MAP3K4: variants seen among roughly 807,000 people sequenced by gnomAD.
MAP3K4 encodes MAP three kinase 1.
A neutral mutation model predicts 185.6 loss-of-function variants in MAP3K4; 67 were observed. The observed-to-expected ratio is 0.36, with a 90% CI of 0.30 to 0.44. MAP3K4 has a LOEUF of 0.44. MAP3K4 is among the 20% of genes least tolerant of loss of function. MAP3K4 has a pLI of 1.00. For missense variants in MAP3K4, 1,551 were observed against 1,995.1 expected (o/e 0.78, Z 4.24); for synonymous variants, 702 against 710.4 (o/e 0.99, Z 0.19).
chr6:161,042,881 A>G (rs150077693), intron 2 of MAP3K4, among the ~76,000 whole-genome samples: 120 of 149,186 alleles, frequency 8.0e-4, no homozygotes, highest in African/African-American at 2.7e-3. Context: ...AAGTAGAGCA[A>G]ATATTTTGCA....
At chr6:161,104,162 C>T (rs1379863318) in intron 19 of MAP3K4, among the ~76,000 whole-genome samples, 1 of 152,146 alleles carries the variant, frequency 6.6e-6, no homozygotes, top group Non-Finnish European at 1.5e-5. Context: ...CGCCTGTAAT[C>T]CCAGCACTTT....
At chr6:161,041,376 C>T (rs997460311) in intron 2 of MAP3K4, among the ~76,000 whole-genome samples, 2 of 152,222 alleles carry the variant, frequency 1.3e-5, no homozygotes, top group African/African-American at 4.8e-5. Context: ...CCAGTCATCC[C>T]TGGTCCTTCC....
Position 161,107,030 on chromosome 6 carries a change from C to T in MAP3K4, c.4048+325C>T, listed in dbSNP as rs1583243207. On this transcript the variant is annotated intron_variant, in intron 20 of 26. Transcript: ENST00000392142. This position sits in a 1 kb window ranked among gnomAD's most constrained non-coding sequence, Gnocchi z 6.2. ...GACCCATTTGTTCTAGTTTCTCTCT[C>T]TCTCTCTACACACGCGCGCGCACAC... 7.5e-6 allele frequency among the ~76,000 whole-genome samples: 1 copy of T among 133,434 alleles called. No individual in the cohort carries two copies. Among genetic ancestry groups the T allele is most frequent in the South Asian group, 2.6e-4 (1 of 3,830 alleles). 87.5% of individuals were successfully genotyped at this position (133,434 alleles called of 152,430 possible).
At chr6:161,111,358 T>G (rs1778341353) in intron 23 of MAP3K4, among the ~76,000 whole-genome samples, 1 of 152,242 alleles carries the variant, frequency 6.6e-6, no homozygotes, top group Non-Finnish European at 1.5e-5. Context: ...GTAGGAATAT[T>G]TGAAAATTGC....
Position 161,041,912 on chromosome 6 carries a change from C to CTTTTTT in MAP3K4, c.344-6696_344-6691dup, listed in dbSNP as rs1184107037. On this transcript the variant is annotated intron_variant, in intron 2 of 26. Transcript: ENST00000392142. ...GGGTAAAGGCCTTGAGTTATTGTTT[C>CTTTTTT]TTTTTTTTTTTTTCTTTTTTTTTTT... Among the ~76,000 whole-genome samples, 126 of 64,040 alleles carry CTTTTTT rather than the reference C, an allele frequency of 2.0e-3. 20 individuals carry two copies. The highest frequency in any genetic ancestry group is 9.9e-3 in the East Asian group (17 of 1,724). The allele number at this position is 64,040 out of a possible 152,430, so 42.0% of individuals were successfully genotyped here.
rs1189455962 is a variant in MAP3K4, at chr6:161,059,657, CTG to C, written c.1707+9680_1707+9681del. Among the ~76,000 whole-genome samples the C allele has an allele frequency of 3.2e-4, 49 of 152,252 alleles. 1 individual carries two copies. Among genetic ancestry groups the C allele is most frequent in the African/African-American group, 1.2e-3 (48 of 41,548 alleles). On this transcript the variant is annotated intron_variant, in intron 3 of 26. Coordinates refer to ENST00000392142, the MANE Select transcript of MAP3K4 (RefSeq NM_005922.4). ...TTTAACTTGTTTAGGATACTTAACACTGTATAGAAATTTCACATTTTTATATA... is the reference window on the plus strand; with the variant it reads ...TTTAACTTGTTTAGGATACTTAACACTATAGAAATTTCACATTTTTATATA...
At chr6:161,069,883 G>A (rs1000016481) in intron 3 of MAP3K4, among the ~76,000 whole-genome samples, 3 of 152,076 alleles carry the variant, frequency 2.0e-5, no homozygotes, top group Admixed American at 6.5e-5. Flanking sequence ...GAGCCAGGGA[G>A]GAGTGACCAG....
At chr6:161,014,715 T>G (rs1477424357) in intron 1 of MAP3K4, among the ~76,000 whole-genome samples, 1 of 152,180 alleles carries the variant, frequency 6.6e-6, no homozygotes, top group East Asian at 1.9e-4. Context: ...ACTATAACAG[T>G]AGGGCTCTTG....
Position 161,086,448 on chromosome 6 carries a change from A to G in MAP3K4, c.2442A>G (p.Lys814=), listed in dbSNP as rs758383770. 11 of 1,613,986 alleles carry G rather than the reference A, an allele frequency of 6.8e-6. No individual in the cohort carries two copies. In the East Asian group the frequency reaches 2.5e-4, roughly 36 times the overall value. Residue 814 remains lysine, a synonymous_variant, in exon 8 of 27, where the codon AAA becomes AAG. Transcript: ENST00000392142. The surrounding 1 kb of genome is among the most constrained non-coding windows in gnomAD (Gnocchi z 4.8). Reference sequence around the variant, plus strand: ...ATGAAGCCAGAGAAAGGGCTTCCAAAGCACTTGGATTTGCTAAAATGTTGA... The same window carrying G: ...ATGAAGCCAGAGAAAGGGCTTCCAAGGCACTTGGATTTGCTAAAATGTTGA... ...LFHEARERAS[K]ALGFAKMLRK... is the part of the protein sequence containing the mutation.
In MAP3K4 at chr6:161,049,763, C is replaced by G. The variant is rs753638997; in HGVS notation, c.1491C>G (p.Leu497=). ...GCATATCCAAGAAGCTTGAGAGGCTCGAATCTGAGGATGATTCTCTTGGCT... is the reference window on the plus strand; with the variant it reads ...GCATATCCAAGAAGCTTGAGAGGCTGGAATCTGAGGATGATTCTCTTGGCT... The part of the protein sequence containing the change: ...RDCISKKLER[L]ESEDDSLGWG... Residue 497 remains leucine (L), a synonymous_variant, in exon 3 of 27, where the codon CTC becomes CTG. Coordinates refer to ENST00000392142, the MANE Select transcript of MAP3K4 (RefSeq NM_005922.4). The surrounding 1 kb of genome is among the most constrained non-coding windows in gnomAD (Gnocchi z 8.4). The G allele has an allele frequency of 4.3e-6, 7 of 1,614,106 alleles. No homozygotes were observed. The highest frequency in any genetic ancestry group is 3.3e-5 in the Admixed American group (2 of 60,004).
At position 161,082,059 on chromosome 6, in the gene MAP3K4, C is replaced by T. The variant is rs148732047; in HGVS notation, c.2255+1021C>T. 6.6e-4 allele frequency among the ~76,000 whole-genome samples: 101 copies of T among 152,090 alleles called. No homozygotes were observed. The highest frequency in any genetic ancestry group is 1.8e-3 in the African/African-American group (76 of 41,482). ...TCTCCTATGTTCAGTCTCGGAATCTCGTATCCACTTCTCTGTTCTAATGGC... is the reference window on the plus strand; with the variant it reads ...TCTCCTATGTTCAGTCTCGGAATCTTGTATCCACTTCTCTGTTCTAATGGC... On this transcript the variant is annotated intron_variant, in intron 6 of 26. Transcript: ENST00000392142. The surrounding 1 kb of genome is among the most constrained non-coding windows in gnomAD (Gnocchi z 4.2).
At chr6:161,003,504 T>G (rs967719966) in intron 1 of MAP3K4, among the ~76,000 whole-genome samples, 11 of 152,142 alleles carry the variant, frequency 7.2e-5, no homozygotes, top group Non-Finnish European at 1.3e-4. Flanking sequence ...AGTCCACTGG[T>G]ATCTTCTCAA....
intron 6 of MAP3K4, among the ~76,000 whole-genome samples, chr6:161,081,787 T>C (rs1054636386): frequency 2.0e-5 from 3 of 152,212 alleles, no homozygotes; most frequent in African/African-American, 7.2e-5. Context: ...TGTCCTTCTG[T>C]GCTTTAGATT....
In MAP3K4 at chr6:161,070,476, T is replaced by A. The variant is rs1445016164; in HGVS notation, c.1708-132T>A. 7 of 620,398 alleles carry A rather than the reference T, an allele frequency of 1.1e-5. No individual in the cohort carries two copies. In the Admixed American group the frequency reaches 2.4e-4, roughly 21 times the overall value. 38.4% of individuals were successfully genotyped at this position (620,398 alleles called of 1,614,324 possible). A position where few individuals can be genotyped will look rare whatever the true frequency, so the allele number is the denominator to read the frequency against. ...ATTAAATTCATTAAATTATTAAATA[T>A]TCTTTTCCCTGTAAAATTAGAATTT... On this transcript the variant is annotated intron_variant, in intron 3 of 26. Coordinates refer to ENST00000392142, the MANE Select transcript of MAP3K4 (RefSeq NM_005922.4). This position sits in a 1 kb window ranked among gnomAD's most constrained non-coding sequence, Gnocchi z 4.5.
chr6:160,997,128 A>G (rs1781033352), intron 1 of MAP3K4, among the ~76,000 whole-genome samples: 1 of 152,086 alleles, frequency 6.6e-6, no homozygotes, highest in South Asian at 2.1e-4. Flanking sequence ...AGTATATTTT[A>G]TCCTTCTCAC....
At chr6:161,090,767 T>G (rs1280239456) in intron 11 of MAP3K4, among the ~76,000 whole-genome samples, 1 of 98,434 alleles carries the variant, frequency 1.0e-5, no homozygotes, top group African/African-American at 2.9e-5. Flanking sequence ...GCCTCTTGGA[T>G]GTGGACGTTT....
intron 25 of MAP3K4, among the ~76,000 whole-genome samples, chr6:161,113,956 C>T (rs1778481576): frequency 6.6e-6 from 1 of 151,898 alleles, no homozygotes; most frequent in African/African-American, 2.4e-5. Context: ...TGCCACCATG[C>T]CTGGCTAAGT....
Position 161,107,050 on chromosome 6 carries a change from G to GCACACACA in MAP3K4, c.4048+367_4048+374dup, listed in dbSNP as rs3050252. Among the ~76,000 whole-genome samples the GCACACACA allele has an allele frequency of 0.02, 2,109 of 105,194 alleles. 36 individuals carry two copies. Among genetic ancestry groups the GCACACACA allele is most frequent in the Middle Eastern group, 0.081 (15 of 186 alleles). 69.0% of individuals were successfully genotyped at this position (105,194 alleles called of 152,430 possible). ...TCTCTCTCTCTCTACACACGCGCGC[G>GCACACACA]CACACACACACACACACACACACAC... On this transcript the variant is annotated intron_variant, in intron 20 of 26. Transcript: ENST00000392142. The surrounding 1 kb of genome is among the most constrained non-coding windows in gnomAD (Gnocchi z 6.2).
intron 1 of MAP3K4, among the ~76,000 whole-genome samples, chr6:161,023,498 G>T (rs1016244884): frequency 6.6e-6 from 1 of 152,226 alleles, no homozygotes; most frequent in Non-Finnish European, 1.5e-5. Flanking sequence ...TGGAAGAGCA[G>T]AATTTGCCGT....
Sources: gnomAD v4.1 joint callset for allele counts (sites outside exome capture counted in the v4.1 genomes callset) on GRCh38, gnomAD v4.1.1 for gene constraint, Gnocchi (gnomAD v3.1) non-coding constraint, MANE v1.5 for transcripts, NCBI Gene and HGNC (gene_info 2026-07-23, HGNC 2026-07-21) for gene names.